Variants in SHISAL1 observed in about 807,000 individuals in gnomAD.
SHISAL1 encodes protein shisa-like-1.
A neutral mutation model predicts 22.6 loss-of-function variants in SHISAL1; 9 were observed. That is an observed-to-expected ratio of 0.40 (90% CI 0.24 to 0.70). The LOEUF (loss-of-function observed/expected upper bound fraction) is 0.70. SHISAL1 is among the 30% of genes least tolerant of loss of function. The pLI is 0.39. For missense variants in SHISAL1, 246 were observed against 270.6 expected (o/e 0.91, Z 0.64); for synonymous variants, 119 against 115.4 (o/e 1.03, Z -0.20).
rs1206876686 is a variant in SHISAL1 at position 44,247,491 on chromosome 22, A to C, written c.*2194T>G. The C allele has an allele frequency of 1.3e-5, 2 of 152,368 alleles. No homozygotes were observed. The highest frequency in any genetic ancestry group is 1.5e-5 in the Non-Finnish European group (1 of 68,202). 9.4% of individuals were successfully genotyped at this position (152,368 alleles called of 1,614,324 possible). A position where few individuals can be genotyped will look rare whatever the true frequency, so the allele number is the denominator to read the frequency against. ...GGAGAGGAAGCCATTCCTTTCTCCA[A>C]TCGAGACCCCAAGCAGAGGTTCTCC... On this transcript the variant is annotated 3_prime_UTR_variant, in exon 5 of 5. Coordinates refer to ENST00000381176, the MANE Select transcript of SHISAL1 (RefSeq NM_001099294.2).
the SHISAL1 span, among the ~76,000 whole-genome samples, chr22:44,326,381 C>G: frequency 1.3e-5 from 2 of 152,194 alleles, no homozygotes; most frequent in South Asian, 2.1e-4. Context: ...GCAAATCTCT[C>G]CTCCGCGGCA....
chr22:44,326,500 A>G, the SHISAL1 span, among the ~76,000 whole-genome samples: 1 of 152,180 alleles, frequency 6.6e-6, no homozygotes, highest in Non-Finnish European at 1.5e-5. Context: ...CTCATTTTCC[A>G]GGGAAGTGTG....
chr22:44,272,465 A>T (rs1324819915), intron 4 of SHISAL1, among the ~76,000 whole-genome samples: 2 of 152,332 alleles, frequency 1.3e-5, no homozygotes, highest in East Asian at 3.9e-4. Context: ...CATGGCCTGC[A>T]GCCAGCCCTC....
At chr22:44,303,324 G>A (rs1985858048) in intron 1 of SHISAL1, among the ~76,000 whole-genome samples, 1 of 152,098 alleles carries the variant, frequency 6.6e-6, no homozygotes, top group African/African-American at 2.4e-5. Context: ...GACGCTGTTT[G>A]GAAATAGGGT....
intron 4 of SHISAL1, among the ~76,000 whole-genome samples, chr22:44,253,306 G>A (rs1319266484): frequency 6.6e-6 from 1 of 151,928 alleles, no homozygotes; most frequent in East Asian, 1.9e-4. Flanking sequence ...TGAAGGATGA[G>A]AGTCACCATG....
intron 4 of SHISAL1, among the ~76,000 whole-genome samples, chr22:44,252,692 T>G (rs2055056560): frequency 6.7e-6 from 1 of 150,040 alleles, no homozygotes; most frequent in Non-Finnish European, 1.5e-5. Context: ...TCAGCAAGGT[T>G]TCATAGAAAA....
At chr22:44,296,929 C>G in intron 2 of SHISAL1, 44 bp from the exon 3 acceptor site, 2 of 1,496,654 alleles carry the variant, frequency 1.3e-6, no homozygotes, top group Non-Finnish European at 1.9e-6. Context: ...CCTCACCAGT[C>G]CACGGGTGCC....
Position 44,285,651 on chromosome 22 carries a change from C to G in SHISAL1, c.376G>C (p.Asp126His), listed in dbSNP as rs376703784. The G allele has an allele frequency of 6.8e-6, 11 of 1,614,192 alleles. No homozygotes were observed. Among genetic ancestry groups the G allele is most frequent in the Non-Finnish European group, 8.5e-6 (10 of 1,180,016 alleles). The part of the protein sequence containing the change: ...DLLYYSAMNY[D>H]ICKVYLARWG... ...CGTGCCAGGTAGACCTTGCAGATGT[C>G]GTAGTTCATTGCCGAGTAATACAAA... The change falls in exon 4 of 5, where the codon GAC becomes CAC. Residue 126 changes from aspartate (D) to histidine (H), a missense_variant. Around this residue, in one of 2 missense-constraint regions of SHISAL1, gnomAD observed 136 missense variants for 117.5 expected, o/e 1.16. Transcript: ENST00000381176.
upstream of SHISAL1, among the ~76,000 whole-genome samples, chr22:44,314,020 G>C (rs2055541170): frequency 6.6e-6 from 1 of 152,162 alleles, no homozygotes; most frequent in Non-Finnish European, 1.5e-5. Context: ...ACGGGGTAGG[G>C]GCCGGGAGTG....
intron 4 of SHISAL1, among the ~76,000 whole-genome samples, chr22:44,272,660 T>C (rs1344319770): frequency 6.6e-6 from 1 of 152,180 alleles, no homozygotes; most frequent in African/African-American, 2.4e-5. Flanking sequence ...TTCTGCCTCC[T>C]CATCTGCCCT....
At chr22:44,284,371 C>A (rs566304774) in intron 4 of SHISAL1, among the ~76,000 whole-genome samples, 2 of 151,992 alleles carry the variant, frequency 1.3e-5, no homozygotes, top group Non-Finnish European at 2.9e-5. Flanking sequence ...AATCTCATGC[C>A]CGAAGTCAAG....
At chr22:44,267,062 G>A (rs946709226) in intron 4 of SHISAL1, among the ~76,000 whole-genome samples, 2 of 152,094 alleles carry the variant, frequency 1.3e-5, no homozygotes, top group Non-Finnish European at 2.9e-5. Flanking sequence ...GGAGCCCACG[G>A]ATTGCACCTG....
intron 1 of SHISAL1, among the ~76,000 whole-genome samples, chr22:44,312,108 G>A (rs2055523093): frequency 6.6e-6 from 1 of 152,214 alleles, no homozygotes; most frequent in African/African-American, 2.4e-5. Context: ...GTGAAGAGAA[G>A]CCAAAGCCCT....
chr22:44,266,505 G>GGGTA (rs2055163157), intron 4 of SHISAL1, among the ~76,000 whole-genome samples: 1 of 126,006 alleles, frequency 7.9e-6, no homozygotes, highest in African/African-American at 3.4e-5. Flanking sequence ...TCTGGTGTAT[G>GGGTA]TGTGTGTTGG....
chr22:44,269,269 C>T (rs1251549473), intron 4 of SHISAL1, among the ~76,000 whole-genome samples: 1 of 149,870 alleles, frequency 6.7e-6, no homozygotes, highest in Non-Finnish European at 1.5e-5. Flanking sequence ...CACACAGACA[C>T]CCACAACACA....
Position 44,312,240 on chromosome 22 carries a change from G to C in SHISAL1, c.-33+511C>G, listed in dbSNP as rs1444407632. On this transcript the variant is annotated intron_variant, in intron 1 of 4. Transcript: ENST00000381176. ...ATTCATTCATCTATTCACTTATTTC[G>C]TACCGGTGTGATGCTGGACTGGGAC... is the stretch of plus-strand genomic sequence containing the variant. Among the ~76,000 whole-genome samples the C allele has an allele frequency of 2.0e-5, 3 of 152,186 alleles. No individual in the cohort carries two copies. In the East Asian group the frequency reaches 5.8e-4, roughly 29 times the overall value.
At chr22:44,297,839 A>G (rs2055398142) in intron 2 of SHISAL1, among the ~76,000 whole-genome samples, 1 of 152,268 alleles carries the variant, frequency 6.6e-6, no homozygotes. Context: ...GGCTGAATAC[A>G]TTCCTTTAAC....
At chr22:44,328,774 C>G in the SHISAL1 span, among the ~76,000 whole-genome samples, 2 of 152,136 alleles carry the variant, frequency 1.3e-5, no homozygotes, top group Non-Finnish European at 2.9e-5. Flanking sequence ...CCACCCTCCC[C>G]TCCTCCCTGC....
At chr22:44,269,844 C>A (rs2055194558) in intron 4 of SHISAL1, among the ~76,000 whole-genome samples, 1 of 152,158 alleles carries the variant, frequency 6.6e-6, no homozygotes, top group South Asian at 2.1e-4. Context: ...TGCTGGCGTC[C>A]CATGGTGGTA....
Sources: allele counts gnomAD v4.1 joint callset (sites outside exome capture counted in the v4.1 genomes callset), GRCh38; gene constraint gnomAD v4.1.1; regional missense constraint gnomAD v4.1.1; transcripts MANE v1.5; gene names NCBI Gene and HGNC (gene_info 2026-07-23, HGNC 2026-07-21).